Variants in TOX observed in about 807,000 individuals in gnomAD.
TOX encodes thymocyte selection associated high mobility group box.
A neutral mutation model predicts 53.7 loss-of-function variants in TOX; 11 were observed. The ratio of observed to expected loss-of-function variants is 0.20; its 90% CI spans 0.13 to 0.34. The LOEUF (loss-of-function observed/expected upper bound fraction) is 0.34, where lower values mean the gene tolerates loss of function less well. Among genes scored for constraint, TOX ranks in the 10% least tolerant of loss-of-function variants. The pLI is 1.00. For synonymous variants in TOX, 225 were observed against 245.3 expected, an observed-to-expected ratio of 0.92 and a Z score of 0.77; for missense variants, 570 against 664.6, an observed-to-expected ratio of 0.86 and a Z score of 1.56.
At chr8:58,931,029 T>C (rs1167576330) in intron 3 of TOX, among the ~76,000 whole-genome samples, 2 of 152,166 alleles carry the variant, frequency 1.3e-5, no homozygotes, top group African/African-American at 2.4e-5. Flanking sequence ...AAAGATGCCT[T>C]AAGAGCAATA....
At position 58,894,675 on chromosome 8, in the gene TOX, C is replaced by G. The variant is rs1420215928; in HGVS notation, c.412-42870G>C. Among the ~76,000 whole-genome samples the G allele has an allele frequency of 2.7e-5, 4 of 150,456 alleles. No homozygotes were observed. The East Asian group carries it at 7.9e-4, about 30-fold the overall frequency. On this transcript the variant is annotated intron_variant, in intron 3 of 8. Transcript: ENST00000361421. ...TTGGGAGGCCGACGCGGGTGGATCA[C>G]TTGAGGTCAGCAGTTCGAGACCAGC... is the stretch of plus-strand genomic sequence containing the variant.
intron 1 of TOX, among the ~76,000 whole-genome samples, chr8:59,091,707 T>C (rs1804610150): frequency 6.6e-6 from 1 of 152,256 alleles, no homozygotes; most frequent in South Asian, 2.1e-4. Context: ...TAAGTATTTG[T>C]ATCATGTTAT....
intron 1 of TOX, among the ~76,000 whole-genome samples, chr8:59,107,267 T>C (rs557622151): frequency 2.0e-5 from 3 of 152,286 alleles, no homozygotes; most frequent in African/African-American, 7.2e-5. Flanking sequence ...GTAGAAAATA[T>C]TATGCACATA....
chr8:58,835,123 G>T (rs1810524133), intron 5 of TOX, among the ~76,000 whole-genome samples: 1 of 152,096 alleles, frequency 6.6e-6, no homozygotes, highest in Admixed American at 6.5e-5. Context: ...GATACCAAAT[G>T]ATTTATATAA....
intron 1 of TOX, among the ~76,000 whole-genome samples, chr8:58,977,715 G>C (rs780068827): frequency 2.0e-5 from 3 of 152,118 alleles, no homozygotes; most frequent in Non-Finnish European, 2.9e-5. Flanking sequence ...AGAAAATAGG[G>C]AGGTCTGAGG....
intron 2 of TOX, among the ~76,000 whole-genome samples, chr8:58,950,189 A>G (rs955749521): frequency 8.8e-5 from 13 of 147,334 alleles, no homozygotes; most frequent in Middle Eastern, 6.9e-3. Flanking sequence ...ATATACAATT[A>G]CATGTGTATA....
At chr8:58,826,324 A>G (rs1810366036) in intron 6 of TOX, among the ~76,000 whole-genome samples, 1 of 152,236 alleles carries the variant, frequency 6.6e-6, no homozygotes. Context: ...GGTATTTATA[A>G]CAGGAAGAAC....
intron 1 of TOX, among the ~76,000 whole-genome samples, chr8:58,994,804 C>A (rs1017335256): frequency 6.6e-6 from 1 of 152,158 alleles, no homozygotes; most frequent in South Asian, 2.1e-4. Context: ...AAGGTCATGT[C>A]GGAACAGCTA....
chr8:58,875,282 T>C (rs1394597651), intron 3 of TOX, among the ~76,000 whole-genome samples: 1 of 152,236 alleles, frequency 6.6e-6, no homozygotes, highest in African/African-American at 2.4e-5. Flanking sequence ...TTGGCAAGAA[T>C]TATGAAATTC....
At chr8:59,114,344 T>C (rs1279364287) in intron 1 of TOX, among the ~76,000 whole-genome samples, 1 of 152,218 alleles carries the variant, frequency 6.6e-6, no homozygotes, top group East Asian at 1.9e-4. Flanking sequence ...TATAACTTTG[T>C]TTGCATAGAC....
chr8:59,086,841 T>C (rs773921242), intron 1 of TOX, among the ~76,000 whole-genome samples: 12 of 152,226 alleles, frequency 7.9e-5, no homozygotes, highest in Admixed American at 1.3e-4. Flanking sequence ...AGTGTAGCCA[T>C]AGAAACTGAC....
intron 3 of TOX, among the ~76,000 whole-genome samples, chr8:58,935,985 C>T (rs892911509): frequency 6.6e-6 from 1 of 152,184 alleles, no homozygotes; most frequent in Non-Finnish European, 1.5e-5. Flanking sequence ...CTCTTACCTA[C>T]ATTGGGATAA....
intron 1 of TOX, among the ~76,000 whole-genome samples, chr8:59,077,357 G>A (rs941122233): frequency 6.6e-6 from 1 of 152,116 alleles, no homozygotes; most frequent in South Asian, 2.1e-4. Flanking sequence ...CAGGAAAATC[G>A]ATCACCTGTT....
intron 1 of TOX, among the ~76,000 whole-genome samples, chr8:59,021,277 C>T (rs1363074875): frequency 1.3e-5 from 2 of 149,744 alleles, no homozygotes; most frequent in Admixed American, 1.3e-4. Context: ...CCAAGCTCTC[C>T]TGTGCACACT....
rs529816982 is a variant in TOX at position 59,060,819 on chromosome 8, C to G, written c.102+58067G>C. The stretch of plus-strand genomic sequence containing the variant: ...CATGTTACAAATGAGGAAACCAGGG[C>G]TGACAGAGACTGACTATACTTGCCA... On this transcript the variant is annotated intron_variant, in intron 1 of 8. Coordinates refer to ENST00000361421, the MANE Select transcript of TOX (RefSeq NM_014729.3). 3.9e-3 allele frequency among the ~76,000 whole-genome samples: 599 copies of G among 152,246 alleles called. 6 individuals are homozygous for G. Among genetic ancestry groups the G allele is most frequent in the African/African-American group, 0.014 (562 of 41,564 alleles).
intron 2 of TOX, among the ~76,000 whole-genome samples, chr8:58,957,638 G>C (rs974133567): frequency 5.3e-5 from 8 of 152,160 alleles, no homozygotes; most frequent in African/African-American, 1.9e-4. Context: ...CATCACAGGA[G>C]CAGTAGTGCG....
At chr8:59,108,635 G>A (rs1345386610) in intron 1 of TOX, among the ~76,000 whole-genome samples, 1 of 148,566 alleles carries the variant, frequency 6.7e-6, no homozygotes, top group African/African-American at 2.5e-5. Context: ...AAACACTGAA[G>A]ATTCCTAAAT....
At chr8:58,939,898 G>A (rs190433423) in intron 2 of TOX, among the ~76,000 whole-genome samples, 119 of 152,246 alleles carry the variant, frequency 7.8e-4, no homozygotes, top group African/African-American at 2.2e-3. Flanking sequence ...TAAAATTAAC[G>A]TTTGATCAAA....
intron 3 of TOX, among the ~76,000 whole-genome samples, chr8:58,934,167 T>C (rs899200217): frequency 6.6e-6 from 1 of 152,180 alleles, no homozygotes; most frequent in Non-Finnish European, 1.5e-5. Context: ...CTTATAGAAA[T>C]TCTACCCTGT....
Sources: allele counts gnomAD v4.1 joint callset (sites outside exome capture counted in the v4.1 genomes callset), GRCh38; gene constraint gnomAD v4.1.1; transcripts MANE v1.5; gene names NCBI Gene and HGNC (gene_info 2026-07-23, HGNC 2026-07-21).